The following YEATS4 variants were observed in gnomAD, a reference collection of about 807,000 sequenced individuals.
YEATS4 encodes YEATS domain containing 4, also known as YEATS domain-containing protein 4.
YEATS4 carries 17 observed loss-of-function variants against 30.1 expected under a neutral mutation model. That is an observed-to-expected ratio of 0.56 (90% confidence interval 0.39 to 0.85). The LOEUF (loss-of-function observed/expected upper bound fraction) is 0.85, where lower values mean the gene tolerates loss of function less well. YEATS4 is among the 40% of genes least tolerant of loss of function. The pLI, the probability that YEATS4 is intolerant of heterozygous loss-of-function variation, is 0.00. For missense variants in YEATS4, 142 were observed against 268.3 expected (o/e 0.53, Z 3.29); for synonymous variants, 85 against 87.5 (o/e 0.97, Z 0.16).
At chr12:69,364,478 G>A (rs73151659) in intron 2 of YEATS4, among the ~76,000 whole-genome samples, 3,196 of 152,028 alleles carry the variant, frequency 0.021, 47 homozygotes, top group Non-Finnish European at 0.035. Flanking sequence ...TATTTTAAAA[G>A]CCACTTTTGC....
At chr12:69,369,164 G>A (rs1195298539) in intron 4 of YEATS4, among the ~76,000 whole-genome samples, 1 of 152,064 alleles carries the variant, frequency 6.6e-6, no homozygotes, top group Non-Finnish European at 1.5e-5. Flanking sequence ...ACAGTTACCT[G>A]TTCTCAATTC....
At chr12:69,405,586 T>C in the YEATS4 span, among the ~76,000 whole-genome samples, 1 of 152,218 alleles carries the variant, frequency 6.6e-6, no homozygotes, top group African/African-American at 2.4e-5. Flanking sequence ...TAAGGGTTAC[T>C]TTGAACACAA....
chr12:69,393,156 C>T (rs1868328347), downstream of YEATS4, among the ~76,000 whole-genome samples: 1 of 152,004 alleles, frequency 6.6e-6, no homozygotes, highest in South Asian at 2.1e-4. Context: ...AGATCAAAAC[C>T]AAAGAAAATG....
downstream of YEATS4, among the ~76,000 whole-genome samples, chr12:69,393,206 G>T (rs1018853762): frequency 6.6e-6 from 1 of 152,190 alleles, no homozygotes; most frequent in Non-Finnish European, 1.5e-5. Context: ...CCAACACTTT[G>T]TGGGGCTGAG....
At chr12:69,408,069 T>C in the YEATS4 span, among the ~76,000 whole-genome samples, 1 of 152,190 alleles carries the variant, frequency 6.6e-6, no homozygotes, top group Non-Finnish European at 1.5e-5. Context: ...CGGATTGTTA[T>C]GTTAACCACT....
chr12:69,421,026 T>C, the YEATS4 span, among the ~76,000 whole-genome samples: 1 of 152,302 alleles, frequency 6.6e-6, no homozygotes, highest in African/African-American at 2.4e-5. Context: ...TGCCACATTT[T>C]GGTTTTTGTT....
intron 2 of YEATS4, among the ~76,000 whole-genome samples, chr12:69,364,667 T>A (rs1265075272): frequency 1.3e-5 from 2 of 152,240 alleles, no homozygotes; most frequent in Non-Finnish European, 2.9e-5. Flanking sequence ...TTGCCCTGGC[T>A]GGAATGCAAT....
the YEATS4 span, chr12:69,401,224 T>G: frequency 4.1e-4 from 62 of 152,242 alleles, 1 homozygote; most frequent in African/African-American, 1.4e-3. Context: ...AATTGAAAAT[T>G]TACCATTTGA....
At chr12:69,375,477 C>T (rs1303869003) in intron 6 of YEATS4, among the ~76,000 whole-genome samples, 3 of 151,618 alleles carry the variant, frequency 2.0e-5, no homozygotes, top group East Asian at 3.9e-4. Context: ...CAGGCAGAGA[C>T]GCTCCTCACT....
At position 69,365,771 on chromosome 12, in the gene YEATS4, A is replaced by ATT; in HGVS notation, c.239-12_239-11dup. On this transcript the variant is annotated intron_variant, in intron 3 of 6. Transcript: ENST00000247843. ...TAGGAAACTAAACCGATAATTTACT[A>ATT]TTTTTTTTCTGTCTTTAGTTGTTAC... is the stretch of plus-strand genomic sequence containing the variant. 1 of 1,601,982 alleles carries ATT rather than the reference A, an allele frequency of 6.2e-7. No individual in the cohort carries two copies. Among genetic ancestry groups the ATT allele is most frequent in the Non-Finnish European group, 8.5e-7 (1 of 1,172,238 alleles).
chr12:69,384,546 A>G (rs1876200716), intron 6 of YEATS4, among the ~76,000 whole-genome samples: 1 of 152,200 alleles, frequency 6.6e-6, no homozygotes. Context: ...TTTGGGAAGA[A>G]AACTTAATTT....
At position 69,390,386 on chromosome 12, in the gene YEATS4, TAC is replaced by T. The variant is rs1868303587; in HGVS notation, c.*71_*72del. 5.8e-6 allele frequency: 8 copies of T among 1,379,896 alleles called. No homozygotes were observed. 85.5% of individuals were successfully genotyped at this position (1,379,896 alleles called of 1,614,324 possible). On this transcript the variant is annotated 3_prime_UTR_variant, in exon 7 of 7. Coordinates refer to ENST00000247843, the MANE Select transcript of YEATS4 (RefSeq NM_006530.4). Reference sequence around the variant, plus strand: ...GTGGGCTTCACTGGAGAAATGGACTTACTGCAAATGCTGTGATGTTTCTTAGA... The same window carrying T: ...GTGGGCTTCACTGGAGAAATGGACTTTGCAAATGCTGTGATGTTTCTTAGA...
At chr12:69,366,932 C>T (rs1875458722) in intron 4 of YEATS4, among the ~76,000 whole-genome samples, 1 of 152,178 alleles carries the variant, frequency 6.6e-6, no homozygotes, top group Non-Finnish European at 1.5e-5. Context: ...TCCTAGGCCT[C>T]ACCTTTTGGA....
chr12:69,378,424 G>C (rs895953979), intron 6 of YEATS4, among the ~76,000 whole-genome samples: 1 of 151,972 alleles, frequency 6.6e-6, no homozygotes, highest in African/African-American at 2.4e-5. Flanking sequence ...TTATTTTTCT[G>C]ATTGTTTGAT....
chr12:69,409,397 C>T, the YEATS4 span, among the ~76,000 whole-genome samples: 2 of 151,898 alleles, frequency 1.3e-5, no homozygotes, highest in Non-Finnish European at 2.9e-5. Context: ...TGGGCGGATC[C>T]CTTGAGGCTA....
chr12:69,408,472 G>A, the YEATS4 span, among the ~76,000 whole-genome samples: 35 of 152,346 alleles, frequency 2.3e-4, no homozygotes, highest in Middle Eastern at 3.4e-3. Flanking sequence ...AATAAAGGAT[G>A]TGCGCATGTG....
chr12:69,364,966 A>G (rs1328219199), intron 2 of YEATS4, among the ~76,000 whole-genome samples: 1 of 152,126 alleles, frequency 6.6e-6, no homozygotes, highest in Non-Finnish European at 1.5e-5. Context: ...GATTTGCCTT[A>G]TATTTCTGTA....
downstream of YEATS4, among the ~76,000 whole-genome samples, chr12:69,392,357 A>G (rs1345044205): frequency 2.6e-5 from 4 of 152,250 alleles, no homozygotes; most frequent in Admixed American, 1.3e-4. Context: ...TAATTATCCA[A>G]TGACACAACA....
chr12:69,365,553 C>T (rs2120913656), intron 2 of YEATS4, 80 bp from the exon 3 acceptor site: 1 of 933,022 alleles, frequency 1.1e-6, no homozygotes, highest in Non-Finnish European at 1.6e-6. Flanking sequence ...TTTTATAAAA[C>T]TAAGTATATA....
Sources: allele counts gnomAD v4.1 joint callset (sites outside exome capture counted in the v4.1 genomes callset), GRCh38; gene constraint gnomAD v4.1.1; transcripts MANE v1.5; gene names NCBI Gene and HGNC (gene_info 2026-07-23, HGNC 2026-07-21).